Variants in KIT observed in about 807,000 individuals in gnomAD.
KIT encodes the protein mast/stem cell growth factor receptor Kit.
A neutral mutation model predicts 105.7 loss-of-function variants in KIT; 16 were observed. That is an observed-to-expected ratio of 0.15 (90% CI 0.10 to 0.23). The LOEUF (loss-of-function observed/expected upper bound fraction) is 0.23, where lower values mean the gene tolerates loss of function less well. Ranked by LOEUF, KIT falls within the 10% of genes least tolerant of loss-of-function variation. The probability of loss-of-function intolerance (pLI) is 1.00; values close to 1 mark genes in which losing one functional copy is unlikely to be tolerated. For missense variants in KIT, 858 were observed against 1,213.8 expected (o/e 0.71, Z 4.36); for synonymous variants, 438 against 441.1 (o/e 0.99, Z 0.09).
At chr4:54,697,424 A>G (rs1040103176) in intron 2 of KIT, among the ~76,000 whole-genome samples, 1 of 152,204 alleles carries the variant, frequency 6.6e-6, no homozygotes, top group Non-Finnish European at 1.5e-5. Context: ...CTGTATTATG[A>G]CACTGTAGAG....
chr4:54,713,827 A>G (rs1408985238), intron 7 of KIT, among the ~76,000 whole-genome samples: 2 of 152,196 alleles, frequency 1.3e-5, no homozygotes, highest in African/African-American at 4.8e-5. Context: ...GAAAACACGT[A>G]TATAACATGT....
At chr4:54,709,623 T>G (rs752333489) in intron 7 of KIT, 84 bp downstream of exon 7, 4 of 812,746 alleles carry the variant, frequency 4.9e-6, no homozygotes, top group Non-Finnish European at 8.6e-6. Context: ...GGACTCAACT[T>G]GTGTACTATG....
At chr4:54,719,594 T>C (rs1445163076) in intron 7 of KIT, among the ~76,000 whole-genome samples, 1 of 152,040 alleles carries the variant, frequency 6.6e-6, no homozygotes, top group Admixed American at 6.6e-5. Context: ...CCACAGGAAA[T>C]GCATAACTTA....
intron 1 of KIT, among the ~76,000 whole-genome samples, chr4:54,658,932 C>T (rs1717026217): frequency 6.6e-6 from 1 of 152,198 alleles, no homozygotes; most frequent in South Asian, 2.1e-4. Flanking sequence ...GTGTTTGCCG[C>T]CTGCTCCGGG....
chr4:54,668,736 T>A (rs1177441389), intron 1 of KIT, among the ~76,000 whole-genome samples: 2 of 152,240 alleles, frequency 1.3e-5, no homozygotes, highest in African/African-American at 4.8e-5. Flanking sequence ...TGTCTGTTAT[T>A]CTACTTGGCT....
rs775274159 is a variant in KIT at position 54,729,482 on chromosome 4, C to A, written c.2138C>A (p.Ser713Tyr). The A allele has an allele frequency of 9.3e-6, 15 of 1,612,832 alleles. No individual in the cohort carries two copies. Among genetic ancestry groups the A allele is most frequent in the South Asian group, 2.2e-5 (2 of 91,074 alleles). The stretch of plus-strand genomic sequence containing the variant: ...AATCTTCTGCATTCAAAGGAGTCTT[C>A]CTGGTAAGACTGATTTACATAAATA... ...YKNLLHSKESSCSDSTNEYMD... is the reference protein window; with the variant it reads ...YKNLLHSKESYCSDSTNEYMD... Residue 713 changes from serine to tyrosine, a missense_variant, in exon 14 of 21, where the codon TCC becomes TAC. Ser to Tyr is a moderately radical substitution (Grantham distance 144). Around this residue, in one of 7 missense-constraint regions of KIT, gnomAD observed 158 missense variants for 218.7 expected, o/e 0.72. Transcript: ENST00000288135.
chr4:54,723,384 T>A (rs1480879155), intron 7 of KIT, among the ~76,000 whole-genome samples, 200 bp from the exon 8 acceptor site: 1 of 152,172 alleles, frequency 6.6e-6, no homozygotes, highest in Admixed American at 6.5e-5. Context: ...CCACTGTGGC[T>A]GGGAAAGCCT....
At chr4:54,729,534 G>A (rs2109787618) in intron 14 of KIT, 49 bp downstream of exon 14, 1 of 1,583,500 alleles carries the variant, frequency 6.3e-7, no homozygotes, top group Non-Finnish European at 8.6e-7. Flanking sequence ...CAGTTCATGG[G>A]GTCATAAGGG....
intron 15 of KIT, 137 bp downstream of exon 15, chr4:54,731,556 A>G (rs964339173): frequency 1.7e-5 from 13 of 759,076 alleles, no homozygotes; most frequent in South Asian, 4.4e-5. Flanking sequence ...CCAATGGTCA[A>G]TGGCAGTTAG....
At chr4:54,676,921 G>A (rs888669613) in intron 1 of KIT, among the ~76,000 whole-genome samples, 5 of 152,070 alleles carry the variant, frequency 3.3e-5, no homozygotes, top group South Asian at 2.1e-4. Flanking sequence ...GCTCCCACCC[G>A]TCCTTTGCAA....
chr4:54,721,757 T>C (rs1721893634), intron 7 of KIT, among the ~76,000 whole-genome samples: 1 of 152,236 alleles, frequency 6.6e-6, no homozygotes, highest in Non-Finnish European at 1.5e-5. Context: ...GTTTCTGATC[T>C]GTCAGTCTTT....
chr4:54,731,929 A>G lies in KIT; in HGVS notation c.2292A>G (p.Leu764=), dbSNP rs777058326. The change falls in exon 16 of 21, where the codon CTA becomes CTG. Residue 764 remains leucine, a synonymous_variant. Coordinates refer to ENST00000288135, the MANE Select transcript of KIT (RefSeq NM_000222.3). ...PAIMEDDELA[L]DLEDLLSFSY... is the part of the protein sequence containing the mutation. ...TCATGGAGGATGACGAGTTGGCCCT[A>G]GACTTAGAAGACTTGCTGAGCTTTT... The G allele has an allele frequency of 6.2e-7, 1 of 1,613,648 alleles. No individual in the cohort carries two copies. Among genetic ancestry groups the G allele is most frequent in the Non-Finnish European group, 8.5e-7 (1 of 1,179,730 alleles).
In KIT at chr4:54,726,017, T is replaced by C; in HGVS notation, c.1507T>C (p.Tyr503His). ...CAACGATGTGGGCAAGACTTCTGCC[T>C]ATTTTAACTTTGCATTTAAAGGTAA... ...AYNDVGKTSAYFNFAFKGNNK... is the reference protein window; with the variant it reads ...AYNDVGKTSAHFNFAFKGNNK... The change falls in exon 9 of 21, where the codon TAT becomes CAT. Residue 503 changes from tyrosine to histidine, a missense_variant. Tyr to His is a moderately conservative substitution (Grantham distance 83). This residue lies in a region of KIT where 401 missense variants were observed against 601.0 expected (regional missense o/e 0.67). Transcript: ENST00000288135. 2 of 1,614,166 alleles carry C rather than the reference T, an allele frequency of 1.2e-6. No homozygotes were observed. Among genetic ancestry groups the C allele is most frequent in the South Asian group, 2.2e-5 (2 of 91,088 alleles).
intron 1 of KIT, among the ~76,000 whole-genome samples, chr4:54,670,926 A>G (rs1413803119): frequency 6.6e-6 from 1 of 152,160 alleles, no homozygotes; most frequent in African/African-American, 2.4e-5. Context: ...CCTAAATATA[A>G]AAATAAAGGT....
chr4:54,738,825 G>A lies in KIT; in HGVS notation c.*268G>A, dbSNP rs1022255215. 2.3e-5 allele frequency: 14 copies of A among 603,730 alleles called. No individual in the cohort carries two copies. In the African/African-American group the frequency reaches 2.6e-4, roughly 11 times the overall value. 37.4% of individuals were successfully genotyped at this position (603,730 alleles called of 1,614,324 possible). A position where few individuals can be genotyped will look rare whatever the true frequency, so the allele number is the denominator to read the frequency against. On this transcript the variant is annotated 3_prime_UTR_variant, in exon 21 of 21. Coordinates refer to ENST00000288135, the MANE Select transcript of KIT (RefSeq NM_000222.3). ...TTCTGATTTGGAAAAAGAGAGGGAG[G>A]TATGGACTGGGGGCCAGAGTCCTTT...
At chr4:54,663,017 G>A (rs894728115) in intron 1 of KIT, among the ~76,000 whole-genome samples, 9 of 120,380 alleles carry the variant, frequency 7.5e-5, no homozygotes, top group South Asian at 2.7e-4. Flanking sequence ...TACACATCTT[G>A]TAAGATTCTC....
At chr4:54,662,536 CTCTTT>C (rs1717355926) in intron 1 of KIT, among the ~76,000 whole-genome samples, 1 of 152,134 alleles carries the variant, frequency 6.6e-6, no homozygotes, top group Non-Finnish European at 1.5e-5. Flanking sequence ...ATAATGCCTA[CTCTTT>C]TAAGATGATT....
intron 4 of KIT, 124 bp downstream of exon 4, chr4:54,699,890 G>A (rs1218144475): frequency 9.9e-7 from 1 of 1,010,762 alleles, no homozygotes. Context: ...GATTGTCTGG[G>A]AGAGTGTTGG....
intron 1 of KIT, among the ~76,000 whole-genome samples, chr4:54,668,251 G>T (rs1444139289): frequency 1.3e-5 from 2 of 152,170 alleles, no homozygotes; most frequent in Non-Finnish European, 2.9e-5. Context: ...GCTGTTTGTG[G>T]TGGGCAGAAC....
Sources: allele counts gnomAD v4.1 joint callset (sites outside exome capture counted in the v4.1 genomes callset), GRCh38; gene constraint gnomAD v4.1.1; regional missense constraint gnomAD v4.1.1; transcripts MANE v1.5; gene names NCBI Gene and HGNC (gene_info 2026-07-23, HGNC 2026-07-21).